DDX39B: variants seen among roughly 807,000 people sequenced by gnomAD.
The protein encoded by DDX39B is spliceosome RNA helicase DDX39B.
DDX39B carries 6 observed loss-of-function variants against 46.4 expected under a neutral mutation model. The observed-to-expected ratio is 0.13, with a 90% CI of 0.07 to 0.26. The LOEUF (loss-of-function observed/expected upper bound fraction) is 0.26, where lower values mean the gene tolerates loss of function less well. Among genes scored for constraint, DDX39B ranks in the 10% least tolerant of loss-of-function variants. DDX39B has a pLI of 1.00. For synonymous variants in DDX39B, 174 were observed against 199.4 expected (o/e 0.87, Z 1.07); for missense variants, 185 against 553.4 (o/e 0.33, Z 6.68).
intron 2 of DDX39B, among the ~76,000 whole-genome samples, chr6:31,539,955 T>C (rs1255744731): frequency 6.7e-6 from 1 of 148,632 alleles, no homozygotes; most frequent in Admixed American, 6.8e-5. Flanking sequence ...ATAAGCCTCC[T>C]CTATCCAAAA....
In DDX39B at chr6:31,535,218, T is replaced by C; in HGVS notation, c.735+149A>G. On this transcript the variant is annotated intron_variant, in intron 6 of 10. Transcript: ENST00000396172. The surrounding 1 kb of genome is among the most constrained non-coding windows in gnomAD (Gnocchi z 4.6). ...CCCTAACACTAGCTGTCTCTGCTTC[T>C]GTATGTCTCTTCAAGGAGTCATTAC... 3 of 751,704 alleles carry C rather than the reference T, an allele frequency of 4.0e-6. No individual in the cohort carries two copies. Among genetic ancestry groups the C allele is most frequent in the Non-Finnish European group, 7.1e-6 (3 of 425,088 alleles). The allele number at this position is 751,704 out of a possible 1,614,324, so 46.6% of individuals were successfully genotyped here.
At chr6:31,540,021 GCA>G (rs1768231554) in intron 2 of DDX39B, among the ~76,000 whole-genome samples, 3 of 152,148 alleles carry the variant, frequency 2.0e-5, no homozygotes, top group Non-Finnish European at 4.4e-5. Context: ...CCCGGCTGGT[GCA>G]CAGTGGTGCA....
chr6:31,537,435 A>T (rs1562418746), intron 4 of DDX39B, among the ~76,000 whole-genome samples: 1 of 152,170 alleles, frequency 6.6e-6, no homozygotes, highest in South Asian at 2.1e-4. Flanking sequence ...CAAAAAATAA[A>T]AAATAAATAA....
In DDX39B at chr6:31,530,741, A is replaced by C; in HGVS notation, c.1270+38T>G. The C allele has an allele frequency of 6.2e-7, 1 of 1,601,828 alleles. No homozygotes were observed. The highest frequency in any genetic ancestry group is 8.5e-7 in the Non-Finnish European group (1 of 1,175,374). On this transcript the variant is annotated intron_variant, in intron 10 of 10. Transcript: ENST00000396172. The surrounding 1 kb of genome is among the most constrained non-coding windows in gnomAD (Gnocchi z 4.5). Reference sequence around the variant, plus strand: ...ATTTCGGACAAACACACTAAGGAACAGGGAGGACCTAAAGGGTTTCATGAG... The same window carrying C: ...ATTTCGGACAAACACACTAAGGAACCGGGAGGACCTAAAGGGTTTCATGAG...
rs1767614746 is a variant in DDX39B at position 31,534,952 on chromosome 6, G to C, written c.735+415C>G. On this transcript the variant is annotated intron_variant, in intron 6 of 10. Coordinates refer to ENST00000396172, the MANE Select transcript of DDX39B (RefSeq NM_004640.7). The surrounding 1 kb of genome is among the most constrained non-coding windows in gnomAD (Gnocchi z 5.1). ...CCCTCTCTTGCTCTCCTGCCACCGG[G>C]AAGTAGGAGTTTTGGTGAGCAGAAG... 3.7e-6 allele frequency: 1 copy of C among 267,350 alleles called. No individual in the cohort carries two copies. Among genetic ancestry groups the C allele is most frequent in the African/African-American group, 2.2e-5 (1 of 45,314 alleles). The allele number at this position is 267,350 out of a possible 1,614,324, so 16.6% of individuals were successfully genotyped here. A position where few individuals can be genotyped will look rare whatever the true frequency, so the allele number is the denominator to read the frequency against.
chr6:31,539,857 G>A (rs1278591990), intron 2 of DDX39B, among the ~76,000 whole-genome samples: 1 of 152,208 alleles, frequency 6.6e-6, no homozygotes, highest in Non-Finnish European at 1.5e-5. Context: ...GACAAGAAAA[G>A]CCAGTCACAA....
At position 31,534,395 on chromosome 6, in the gene DDX39B, TG is replaced by T; in HGVS notation, c.735+971del. 2.2e-6 allele frequency: 1 copy of T among 453,026 alleles called. No individual in the cohort carries two copies. Among genetic ancestry groups the T allele is most frequent in the South Asian group, 1.6e-5 (1 of 62,978 alleles). The allele number at this position is 453,026 out of a possible 1,614,324, so 28.1% of individuals were successfully genotyped here. ...GTGATCATCCCACGGGAAGGAACAC[TG>T]CAGGGAGGGGAAGAACACACTCCAC... On this transcript the variant is annotated intron_variant, in intron 6 of 10. Transcript: ENST00000396172. The surrounding 1 kb of genome is among the most constrained non-coding windows in gnomAD (Gnocchi z 5.1).
Position 31,539,285 on chromosome 6 carries a change from G to C in DDX39B, c.212-11C>G, listed in dbSNP as rs2071595. 0.079 allele frequency: 127,664 copies of C among 1,607,168 alleles called. 6,754 individuals carry two copies. The highest frequency in any genetic ancestry group is 0.16 in the South Asian group (14,996 of 90,970). On this transcript the variant is annotated splice_polypyrimidine_tract_variant and intron_variant, in intron 2 of 10. Transcript: ENST00000396172. ...TGCACTCATGCTGGACTAAAAGTTG[G>C]GGGGGGAGGAAGATAAATTAGACTT...
rs962652191 is a variant in DDX39B at position 31,531,523 on chromosome 6, A to G, written c.868-118T>C. ...ATTACGTTCTCAGGAATTCCTCTTC[A>G]TTTCTCTTATTCCCCCACTATATAT... On this transcript the variant is annotated intron_variant, in intron 7 of 10. Transcript: ENST00000396172. This position sits in a 1 kb window ranked among gnomAD's most constrained non-coding sequence, Gnocchi z 5.8. 4.4e-5 allele frequency: 34 copies of G among 779,872 alleles called. No homozygotes were observed. Among genetic ancestry groups the G allele is most frequent in the Non-Finnish European group, 7.0e-5 (33 of 469,004 alleles). The allele number at this position is 779,872 out of a possible 1,614,324, so 48.3% of individuals were successfully genotyped here. A position where few individuals can be genotyped will look rare whatever the true frequency, so the allele number is the denominator to read the frequency against.
In DDX39B at chr6:31,531,966, C is replaced by T. The variant is rs1767216912; in HGVS notation, c.868-561G>A. 2.0e-5 allele frequency among the ~76,000 whole-genome samples: 3 copies of T among 152,076 alleles called. No homozygotes were observed. The South Asian group carries it at 6.2e-4, about 31-fold the overall frequency. Reference sequence around the variant, plus strand: ...CCAAGCAGCTGGGACCACAGGTGCACACCACCACGCCCAGCTACTTTTTTT... The same window carrying T: ...CCAAGCAGCTGGGACCACAGGTGCATACCACCACGCCCAGCTACTTTTTTT... On this transcript the variant is annotated intron_variant, in intron 7 of 10. Transcript: ENST00000396172. This position sits in a 1 kb window ranked among gnomAD's most constrained non-coding sequence, Gnocchi z 5.8.
intron 6 of DDX39B, 58 bp from the exon 7 acceptor site, chr6:31,532,969 T>TG (rs778882768): frequency 0.028 from 2,288 of 81,744 alleles, 32 homozygotes; most frequent in Middle Eastern, 0.14. Flanking sequence ...GGGTTAAACC[T>TG]GGGGGGGTGG....
In DDX39B at chr6:31,541,972, G is replaced by T; in HGVS notation, c.-155C>A. ...TACCTAAACAGGGAGAGCGCGTATGGCGGCAGCAACAGCGACGAAGGAGGG... is the reference window on the plus strand; with the variant it reads ...TACCTAAACAGGGAGAGCGCGTATGTCGGCAGCAACAGCGACGAAGGAGGG... On this transcript the variant is annotated 5_prime_UTR_variant, in exon 1 of 11. Transcript: ENST00000396172. 1 of 674,948 alleles carries T rather than the reference G, an allele frequency of 1.5e-6. No individual in the cohort carries two copies. Among genetic ancestry groups the T allele is most frequent in the Non-Finnish European group, 2.7e-6 (1 of 364,564 alleles). The allele number at this position is 674,948 out of a possible 1,614,324, so 41.8% of individuals were successfully genotyped here. A position where few individuals can be genotyped will look rare whatever the true frequency, so the allele number is the denominator to read the frequency against.
chr6:31,531,243 C>T lies in DDX39B; in HGVS notation c.978-46G>A, dbSNP rs775909387. On this transcript the variant is annotated intron_variant, in intron 8 of 10. Transcript: ENST00000396172. The surrounding 1 kb of genome is among the most constrained non-coding windows in gnomAD (Gnocchi z 5.8). ...AAAACATGTTGAGATTCCCTTCTCT[C>T]AACTGTCTTTTTCTCCCAAGGACAC... is the stretch of plus-strand genomic sequence containing the variant. The T allele has an allele frequency of 6.2e-7, 1 of 1,614,076 alleles. No homozygotes were observed.
chr6:31,530,783 G>A lies in DDX39B; in HGVS notation c.1266C>T (p.Ser422=), dbSNP rs1172478984. The stretch of plus-strand genomic sequence containing the variant: ...TTTCATGAGATCAGTACTCACTGTA[G>A]GAGGAGATGTCTATCTCATCAGGCA... ...SELPDEIDIS[S]YIEQTR Residue 422 remains serine, a synonymous_variant, in exon 10 of 11, where the codon TCC becomes TCT. Coordinates refer to ENST00000396172, the MANE Select transcript of DDX39B (RefSeq NM_004640.7). This position sits in a 1 kb window ranked among gnomAD's most constrained non-coding sequence, Gnocchi z 4.5. 4 of 1,612,012 alleles carry A rather than the reference G, an allele frequency of 2.5e-6. No individual in the cohort carries two copies. Among genetic ancestry groups the A allele is most frequent in the Admixed American group, 3.3e-5 (2 of 60,004 alleles).
chr6:31,531,441 G>T lies in DDX39B; in HGVS notation c.868-36C>A. ...GTGGGGTGGGGGGTCGCAAATTGGG[G>T]GAATAGGGGTCCATGGTGTGTGAGA... On this transcript the variant is annotated intron_variant, in intron 7 of 10. Transcript: ENST00000396172. The surrounding 1 kb of genome is among the most constrained non-coding windows in gnomAD (Gnocchi z 5.8). 1 of 1,589,250 alleles carries T rather than the reference G, an allele frequency of 6.3e-7. No homozygotes were observed. Among genetic ancestry groups the T allele is most frequent in the Non-Finnish European group, 8.6e-7 (1 of 1,157,732 alleles).
At position 31,534,504 on chromosome 6, in the gene DDX39B, CTCTGAG is replaced by C. The variant is rs1767552983; in HGVS notation, c.735+857_735+862del. On this transcript the variant is annotated intron_variant, in intron 6 of 10. Transcript: ENST00000396172. The surrounding 1 kb of genome is among the most constrained non-coding windows in gnomAD (Gnocchi z 5.1). ...ACTTTACCTTTCCTATGTCCCTCTC[CTCTGAG>C]TATTAAAAAAAACAAAAAAATTTTT... 1 of 470,608 alleles carries C rather than the reference CTCTGAG, an allele frequency of 2.1e-6. No homozygotes were observed. Among genetic ancestry groups the C allele is most frequent in the East Asian group, 6.9e-5 (1 of 14,396 alleles). The allele number at this position is 470,608 out of a possible 1,614,324, so 29.2% of individuals were successfully genotyped here.
chr6:31,534,756 G>T lies in DDX39B; in HGVS notation c.735+611C>A, dbSNP rs1192909140. 1 of 343,202 alleles carries T rather than the reference G, an allele frequency of 2.9e-6. No homozygotes were observed. The highest frequency in any genetic ancestry group is 5.7e-6 in the Non-Finnish European group (1 of 174,608). The allele number at this position is 343,202 out of a possible 1,614,324, so 21.3% of individuals were successfully genotyped here. Reference sequence around the variant, plus strand: ...CCTCGCCGCGCCACGGTGCTTCTCTGTTGCCGGCTCACATCAACCGAGGTT... The same window carrying T: ...CCTCGCCGCGCCACGGTGCTTCTCTTTTGCCGGCTCACATCAACCGAGGTT... On this transcript the variant is annotated intron_variant, in intron 6 of 10. Coordinates refer to ENST00000396172, the MANE Select transcript of DDX39B (RefSeq NM_004640.7). This position sits in a 1 kb window ranked among gnomAD's most constrained non-coding sequence, Gnocchi z 5.1.
At chr6:31,533,127 C>G (rs996955398) in intron 6 of DDX39B, 1 of 469,004 alleles carries the variant, frequency 2.1e-6, no homozygotes, top group African/African-American at 2.0e-5. Flanking sequence ...AGTTTTAAGA[C>G]TGCCCAACTA....
Position 31,530,401 on chromosome 6 carries a change from A to T in DDX39B, c.*33T>A. 6.2e-7 allele frequency: 1 copy of T among 1,612,538 alleles called. No homozygotes were observed. The highest frequency in any genetic ancestry group is 8.5e-7 in the Non-Finnish European group (1 of 1,179,756). On this transcript the variant is annotated 3_prime_UTR_variant, in exon 11 of 11. Coordinates refer to ENST00000396172, the MANE Select transcript of DDX39B (RefSeq NM_004640.7). The surrounding 1 kb of genome is among the most constrained non-coding windows in gnomAD (Gnocchi z 4.5). ...CCACCCTGGTGTCCTCTCCTGAAGGACAGACGGTCACATTCCAAAATGGGC... is the reference window on the plus strand; with the variant it reads ...CCACCCTGGTGTCCTCTCCTGAAGGTCAGACGGTCACATTCCAAAATGGGC...
Sources: allele counts gnomAD v4.1 joint callset (sites outside exome capture counted in the v4.1 genomes callset), GRCh38; gene constraint gnomAD v4.1.1; non-coding constraint Gnocchi (gnomAD v3.1); transcripts MANE v1.5; gene names NCBI Gene and HGNC (gene_info 2026-07-23, HGNC 2026-07-21).